Variants in ANKRD66 observed in about 807,000 individuals in gnomAD.
ANKRD66 encodes the protein ankyrin repeat domain-containing protein 66.
A neutral mutation model predicts 10.9 loss-of-function variants in ANKRD66; 10 were observed. That is an observed-to-expected ratio of 0.91 (90% CI 0.56 to 1.55). ANKRD66 has a LOEUF of 1.55. Ranked by LOEUF, ANKRD66 falls within the 40% of genes most tolerant of loss-of-function variation. The pLI, the probability that ANKRD66 is intolerant of heterozygous loss-of-function variation, is 0.00. For synonymous variants in ANKRD66, 85 were observed against 88.4 expected, an observed-to-expected ratio of 0.96 and a Z score of 0.22; for missense variants, 252 against 242.9, an observed-to-expected ratio of 1.04 and a Z score of -0.25.
chr6:46,759,023 CCA>C lies in ANKRD66; in HGVS notation c.*104_*105del. On this transcript the variant is annotated 3_prime_UTR_variant, in exon 5 of 5. Coordinates refer to ENST00000565422, the MANE Select transcript of ANKRD66 (RefSeq NM_001162435.3). The stretch of plus-strand genomic sequence containing the variant: ...CATGACTTTACTCATAGACCCTTAC[CCA>C]CCTGGCTTCTGCCCATGGACCTGTC... 8.2e-7 allele frequency: 1 copy of C among 1,217,494 alleles called. No individual in the cohort carries two copies. The allele number at this position is 1,217,494 out of a possible 1,614,324, so 75.4% of individuals were successfully genotyped here. A position where few individuals can be genotyped will look rare whatever the true frequency, so the allele number is the denominator to read the frequency against.
At chr6:46,758,671 C>T (rs1766425358) in intron 4 of ANKRD66, 52 bp from the exon 5 acceptor site, 1 of 1,474,304 alleles carries the variant, frequency 6.8e-7, no homozygotes, top group Non-Finnish European at 9.0e-7. Flanking sequence ...GATTCCCAGG[C>T]TGGAACAGGT....
At position 46,752,002 on chromosome 6, in the gene ANKRD66, A is replaced by G. The variant is rs764772789; in HGVS notation, c.54A>G (p.Ala18=). The G allele has an allele frequency of 6.5e-7, 1 of 1,527,932 alleles. No homozygotes were observed. Among genetic ancestry groups the G allele is most frequent in the South Asian group, 1.2e-5 (1 of 80,536 alleles). 94.6% of individuals were successfully genotyped at this position (1,527,932 alleles called of 1,614,324 possible). The change falls in exon 3 of 5, where the codon GCA becomes GCG. Residue 18 remains alanine (A), a synonymous_variant. Coordinates refer to ENST00000565422, the MANE Select transcript of ANKRD66 (RefSeq NM_001162435.3). ...DMTKLHQAVA[A]GDYSLVKKIL... is the part of the protein sequence containing the mutation. Reference sequence around the variant, plus strand: ...CAAAGCTTCACCAAGCTGTGGCTGCAGGAGACTACAGCTTAGTGAAGAAGA... The same window carrying G: ...CAAAGCTTCACCAAGCTGTGGCTGCGGGAGACTACAGCTTAGTGAAGAAGA...
intron 3 of ANKRD66, 86 bp from the exon 4 acceptor site, chr6:46,753,636 T>C: frequency 7.7e-7 from 1 of 1,298,996 alleles, no homozygotes; most frequent in Non-Finnish European, 1.0e-6. Flanking sequence ...TCCCCTTCTA[T>C]TGTGTTACCT....
At chr6:46,755,303 C>T (rs1326246130) in intron 4 of ANKRD66, among the ~76,000 whole-genome samples, 35 of 152,202 alleles carry the variant, frequency 2.3e-4, no homozygotes, top group Admixed American at 2.3e-3. Flanking sequence ...GGTATCCTAG[C>T]AGTTTGAATA....
chr6:46,748,040 C>T (rs1030388567), intron 1 of ANKRD66, among the ~76,000 whole-genome samples: 1 of 152,102 alleles, frequency 6.6e-6, no homozygotes, highest in Non-Finnish European at 1.5e-5. Context: ...AACTATAAAA[C>T]TCTTAGAGGA....
rs761877701 is a variant in ANKRD66, at chr6:46,758,753, C to T, written c.423C>T (p.Cys141=). The T allele has an allele frequency of 4.8e-5, 74 of 1,550,224 alleles. 2 individuals are homozygous for T. Among genetic ancestry groups the T allele is most frequent in the East Asian group, 2.9e-4 (12 of 40,928 alleles). Residue 141 remains cysteine, a synonymous_variant, in exon 5 of 5, where the codon TGC becomes TGT. Coordinates refer to ENST00000565422, the MANE Select transcript of ANKRD66 (RefSeq NM_001162435.3). ...AGCCCGAGTGCCAGGACCACCGTTGCGCTGCCCAGCAGAAGGGGCTGCCTC... is the reference window on the plus strand; with the variant it reads ...AGCCCGAGTGCCAGGACCACCGTTGTGCTGCCCAGCAGAAGGGGCTGCCTC... ...KAEPECQDHR[C]AAQQKGLPLD...
At position 46,759,367 on chromosome 6, in the gene ANKRD66, G is replaced by C. The variant is rs1295094482; in HGVS notation, c.*446G>C. On this transcript the variant is annotated 3_prime_UTR_variant, in exon 5 of 5. Transcript: ENST00000565422. ...TCCAATAAAAAATTGCATCCAAATT[G>C]AGATGCAAAATACACATTAGATTTC... 1 of 152,730 alleles carries C rather than the reference G, an allele frequency of 6.5e-6. No individual in the cohort carries two copies. Among genetic ancestry groups the C allele is most frequent in the Non-Finnish European group, 1.5e-5 (1 of 68,468 alleles). The allele number at this position is 152,730 out of a possible 1,614,324, so 9.5% of individuals were successfully genotyped here.
intron 1 of ANKRD66, among the ~76,000 whole-genome samples, chr6:46,749,524 T>C (rs2150725812): frequency 6.8e-6 from 1 of 146,296 alleles, no homozygotes; most frequent in East Asian, 2.2e-4. Context: ...AATAGACTCT[T>C]GGCATAATTT....
In ANKRD66 at chr6:46,748,856, G is replaced by C. The variant is rs1318788064; in HGVS notation, c.-96-1040G>C. Among the ~76,000 whole-genome samples the C allele has an allele frequency of 2.0e-5, 3 of 152,208 alleles. No homozygotes were observed. The East Asian group carries it at 5.8e-4, about 29-fold the overall frequency. On this transcript the variant is annotated intron_variant, in intron 1 of 4. Coordinates refer to ENST00000565422, the MANE Select transcript of ANKRD66 (RefSeq NM_001162435.3). Reference sequence around the variant, plus strand: ...TCAGCCACAAAGATATTGCTACTCAGAGTGTGGTAAGTGAGCTAGTACCGT... The same window carrying C: ...TCAGCCACAAAGATATTGCTACTCACAGTGTGGTAAGTGAGCTAGTACCGT...
chr6:46,750,349 AT>A (rs1315269605), intron 2 of ANKRD66, among the ~76,000 whole-genome samples: 4 of 152,254 alleles, frequency 2.6e-5, no homozygotes, highest in Admixed American at 1.3e-4. Context: ...AAAAACTGTA[AT>A]AAACTTATTA....
intron 1 of ANKRD66, among the ~76,000 whole-genome samples, chr6:46,747,796 C>G (rs924813811): frequency 6.6e-6 from 1 of 152,102 alleles, no homozygotes; most frequent in African/African-American, 2.4e-5. Context: ...TGTTTTTCTT[C>G]TCTTGGGTAT....
Position 46,759,250 on chromosome 6 carries a change from C to T in ANKRD66, c.*329C>T, listed in dbSNP as rs914121137. Reference sequence around the variant, plus strand: ...CATGAATTAACTTCATCCCTGATAACGATCGAGAGATAATGTAAAATAATG... The same window carrying T: ...CATGAATTAACTTCATCCCTGATAATGATCGAGAGATAATGTAAAATAATG... On this transcript the variant is annotated 3_prime_UTR_variant, in exon 5 of 5. Transcript: ENST00000565422. 2 of 192,988 alleles carry T rather than the reference C, an allele frequency of 1.0e-5. No individual in the cohort carries two copies. The highest frequency in any genetic ancestry group is 2.3e-5 in the African/African-American group (1 of 43,088). 12.0% of individuals were successfully genotyped at this position (192,988 alleles called of 1,614,324 possible).
chr6:46,747,009 C>T lies in ANKRD66; in HGVS notation c.-97+19C>T. ...CAAGACAGTAAGTGTTTTTAAGTTA[C>T]CCTCTCTTATTTACTATAGTTATTA... is the stretch of plus-strand genomic sequence containing the variant. On this transcript the variant is annotated intron_variant, in intron 1 of 4. Coordinates refer to ENST00000565422, the MANE Select transcript of ANKRD66 (RefSeq NM_001162435.3). The T allele has an allele frequency of 6.5e-7, 1 of 1,534,008 alleles. No individual in the cohort carries two copies.
chr6:46,759,224 G>C lies in ANKRD66; in HGVS notation c.*303G>C, dbSNP rs1316439211. 1 of 227,896 alleles carries C rather than the reference G, an allele frequency of 4.4e-6. No individual in the cohort carries two copies. The highest frequency in any genetic ancestry group is 2.3e-5 in the African/African-American group (1 of 44,316). 14.1% of individuals were successfully genotyped at this position (227,896 alleles called of 1,614,324 possible). On this transcript the variant is annotated 3_prime_UTR_variant, in exon 5 of 5. Coordinates refer to ENST00000565422, the MANE Select transcript of ANKRD66 (RefSeq NM_001162435.3). ...AATTTCAGGAGACAAGGAAACTCTG[G>C]CATGAATTAACTTCATCCCTGATAA...
At chr6:46,753,607 G>C (rs1435528000) in intron 3 of ANKRD66, 115 bp from the exon 4 acceptor site, 53 of 949,476 alleles carry the variant, frequency 5.6e-5, no homozygotes, top group Non-Finnish European at 8.0e-5. Flanking sequence ...GAAACTGGAG[G>C]CTCCTCAAAG....
In ANKRD66 at chr6:46,753,867, C is replaced by T. The variant is rs1414511265; in HGVS notation, c.309C>T (p.Ile103=). The change falls in exon 4 of 5, where the codon ATC becomes ATT. Residue 103 remains isoleucine (I), a synonymous_variant. Transcript: ENST00000565422. ...CTCTCCATGCATTGCACGCTGCCATCGACGCCCCTGACTTCTTTGGAGACA... is the reference window on the plus strand; with the variant it reads ...CTCTCCATGCATTGCACGCTGCCATTGACGCCCCTGACTTCTTTGGAGACA... ...LKTLHALHAA[I]DAPDFFGDTP... is the part of the protein sequence containing the mutation. 7.1e-6 allele frequency: 11 copies of T among 1,551,562 alleles called. No individual in the cohort carries two copies. Among genetic ancestry groups the T allele is most frequent in the South Asian group, 3.6e-5 (3 of 84,056 alleles).
chr6:46,758,642 G>T, intron 4 of ANKRD66, 81 bp from the exon 5 acceptor site: 3 of 1,368,428 alleles, frequency 2.2e-6, no homozygotes, highest in Non-Finnish European at 2.9e-6. Flanking sequence ...GCGGTGTGCA[G>T]AACCTGTGAA....
intron 4 of ANKRD66, chr6:46,756,553 A>G (rs867194821): frequency 6.5e-6 from 1 of 152,716 alleles, no homozygotes; most frequent in African/African-American, 2.4e-5. Context: ...AGCAGTATTA[A>G]TCATGATAGT....
In ANKRD66 at chr6:46,753,781, AGT is replaced by A. The variant is rs770642808; in HGVS notation, c.227_228del (p.Val76GlyfsTer31). On this transcript the variant is annotated frameshift_variant, in exon 4 of 5. Coordinates refer to ENST00000565422, the MANE Select transcript of ANKRD66 (RefSeq NM_001162435.3). LOFTEE classifies it high-confidence loss of function. ...EYGARPCLVT[S>X]VGWTPAHFAA... Reference sequence around the variant, plus strand: ...TGGAGCCAGGCCCTGCCTGGTTACTAGTGTGGGCTGGACCCCAGCTCATTTTG... The same window carrying A: ...TGGAGCCAGGCCCTGCCTGGTTACTAGTGGGCTGGACCCCAGCTCATTTTG... 13 of 1,551,670 alleles carry A rather than the reference AGT, an allele frequency of 8.4e-6. No homozygotes were observed. Among genetic ancestry groups the A allele is most frequent in the Middle Eastern group, 1.7e-4 (1 of 5,986 alleles).
Sources: allele counts gnomAD v4.1 joint callset (sites outside exome capture counted in the v4.1 genomes callset), GRCh38; gene constraint gnomAD v4.1.1; transcripts MANE v1.5; gene names NCBI Gene and HGNC (gene_info 2026-07-23, HGNC 2026-07-21).